Variants in TBC1D22B observed in about 807,000 individuals in gnomAD.
TBC1D22B encodes TBC1 domain family member 22B.
A neutral mutation model predicts 69.1 loss-of-function variants in TBC1D22B; 32 were observed. The ratio of observed to expected loss-of-function variants is 0.46; its 90% CI spans 0.35 to 0.62. The LOEUF (loss-of-function observed/expected upper bound fraction) is 0.62, where lower values mean the gene tolerates loss of function less well. TBC1D22B is among the 20% of genes least tolerant of loss of function. TBC1D22B has a pLI of 0.00. For synonymous variants in TBC1D22B, 206 were observed against 229.8 expected (o/e 0.90, Z 0.94); for missense variants, 462 against 630.9 (o/e 0.73, Z 2.87).
intron 12 of TBC1D22B, among the ~76,000 whole-genome samples, chr6:37,327,527 G>A (rs924821134): frequency 2.0e-5 from 3 of 149,344 alleles, no homozygotes; most frequent in African/African-American, 7.3e-5. Flanking sequence ...TAGAAATGAT[G>A]GTTCTCTTTC....
intron 2 of TBC1D22B, among the ~76,000 whole-genome samples, chr6:37,275,542 C>T (rs1766644134): frequency 6.6e-6 from 1 of 152,134 alleles, no homozygotes; most frequent in Non-Finnish European, 1.5e-5. Context: ...GCCCAGGAGT[C>T]AGGTAGACCT....
intron 1 of TBC1D22B, among the ~76,000 whole-genome samples, chr6:37,259,091 C>T (rs1197328523): frequency 6.6e-6 from 1 of 150,634 alleles, no homozygotes; most frequent in Non-Finnish European, 1.5e-5. Context: ...CTCCTGGCCT[C>T]AAGTGATCCT....
At chr6:37,306,270 C>G (rs1376415137) in intron 8 of TBC1D22B, among the ~76,000 whole-genome samples, 2 of 152,200 alleles carry the variant, frequency 1.3e-5, no homozygotes, top group African/African-American at 4.8e-5. Context: ...CTCTCTGTCC[C>G]TCATCTGACC....
chr6:37,300,456 G>A (rs1767531065), intron 8 of TBC1D22B, among the ~76,000 whole-genome samples: 1 of 152,084 alleles, frequency 6.6e-6, no homozygotes, highest in Non-Finnish European at 1.5e-5. Flanking sequence ...TCATCTCCCA[G>A]GTTCAAGCCA....
At chr6:37,325,068 A>G (rs1312321399) in intron 12 of TBC1D22B, among the ~76,000 whole-genome samples, 3 of 152,068 alleles carry the variant, frequency 2.0e-5, no homozygotes, top group African/African-American at 7.2e-5. Flanking sequence ...TCCCACCTTT[A>G]TTGGACAGTC....
intron 8 of TBC1D22B, among the ~76,000 whole-genome samples, chr6:37,296,793 TACAC>T (rs1256847834): frequency 3.3e-5 from 5 of 151,622 alleles, no homozygotes; most frequent in Non-Finnish European, 4.4e-5. Flanking sequence ...CACACACACA[TACAC>T]ACACGTGCAC....
intron 8 of TBC1D22B, among the ~76,000 whole-genome samples, chr6:37,293,298 C>T (rs1034657479): frequency 4.0e-5 from 6 of 151,852 alleles, no homozygotes; most frequent in African/African-American, 7.3e-5. Context: ...AGGATGGTCT[C>T]GATCTCCTGA....
chr6:37,308,959 A>G (rs1368980017), intron 8 of TBC1D22B, among the ~76,000 whole-genome samples: 2 of 149,182 alleles, frequency 1.3e-5, no homozygotes, highest in Non-Finnish European at 3.0e-5. Context: ...AAAAAAAAAA[A>G]AAGACAGTGC....
At chr6:37,259,185 G>A (rs1404215637) in intron 1 of TBC1D22B, among the ~76,000 whole-genome samples, 2 of 152,050 alleles carry the variant, frequency 1.3e-5, no homozygotes, top group African/African-American at 4.8e-5. Context: ...AAGGATTCTA[G>A]TAGACATATG....
chr6:37,316,254 T>C (rs1185574639), intron 10 of TBC1D22B, among the ~76,000 whole-genome samples: 1 of 152,170 alleles, frequency 6.6e-6, no homozygotes, highest in East Asian at 1.9e-4. Flanking sequence ...GTGAGCCCCT[T>C]TCGCTGGCAG....
rs113497379 is a variant in TBC1D22B, at chr6:37,278,269, A to G, written c.114-1035A>G. Among the ~76,000 whole-genome samples the G allele has an allele frequency of 2.8e-3, 423 of 152,310 alleles. 2 individuals are homozygous for G. Among genetic ancestry groups the G allele is most frequent in the African/African-American group, 9.4e-3 (391 of 41,552 alleles). The stretch of plus-strand genomic sequence containing the variant: ...GGCACCTAGTTAGAAAATGGTCTTA[A>G]AGACAGAGTAGCACCAAACTTCAAC... On this transcript the variant is annotated intron_variant, in intron 2 of 12. Coordinates refer to ENST00000373491, the MANE Select transcript of TBC1D22B (RefSeq NM_017772.4).
At chr6:37,328,010 G>A (rs1390774955) in intron 12 of TBC1D22B, among the ~76,000 whole-genome samples, 2 of 151,944 alleles carry the variant, frequency 1.3e-5, no homozygotes, top group African/African-American at 4.8e-5. Context: ...GAATGTTAAA[G>A]ACCTTTAAAA....
rs67372032 is a variant in TBC1D22B at position 37,330,222 on chromosome 6, C to CTTTTTTTTTTT, written c.1390-797_1390-787dup. On this transcript the variant is annotated intron_variant, in intron 12 of 12. Coordinates refer to ENST00000373491, the MANE Select transcript of TBC1D22B (RefSeq NM_017772.4). ...GATGTTATAAATATTTTGTCCGTTTCTTTTTTTTTTTTTTTTTTTTTTTTT... is the reference window on the plus strand; with the variant it reads ...GATGTTATAAATATTTTGTCCGTTTCTTTTTTTTTTTTTTTTTTTTTTTTTTTTTTTTTTTT... Among the ~76,000 whole-genome samples the CTTTTTTTTTTT allele has an allele frequency of 3.6e-4, 27 of 75,580 alleles. 1 individual carries two copies. The highest frequency in any genetic ancestry group is 4.3e-4 in the Non-Finnish European group (18 of 41,572). 49.6% of individuals were successfully genotyped at this position (75,580 alleles called of 152,430 possible).
intron 8 of TBC1D22B, among the ~76,000 whole-genome samples, chr6:37,311,183 AT>A (rs11311446): frequency 0.85 from 124,721 of 147,242 alleles, 52,695 homozygotes; most frequent in Middle Eastern, 0.93. Context: ...TTCAAGTTGG[AT>A]TTTTTTTTTT....
At position 37,331,190 on chromosome 6, in the gene TBC1D22B, G is replaced by C. The variant is rs750462562; in HGVS notation, c.*18G>C. 43 of 1,613,312 alleles carry C rather than the reference G, an allele frequency of 2.7e-5. No individual in the cohort carries two copies. The highest frequency in any genetic ancestry group is 3.4e-5 in the Non-Finnish European group (40 of 1,179,578). On this transcript the variant is annotated 3_prime_UTR_variant, in exon 13 of 13. Coordinates refer to ENST00000373491, the MANE Select transcript of TBC1D22B (RefSeq NM_017772.4). ...GCCGATAGGTGCTGTCTCCTCCGGG[G>C]ACCCAGACTGCCTTCATCTCTGATG... is the stretch of plus-strand genomic sequence containing the variant.
chr6:37,282,421 G>C, intron 4 of TBC1D22B, 57 bp downstream of exon 4: 1 of 1,508,060 alleles, frequency 6.6e-7, no homozygotes. Context: ...AATTCTCAGA[G>C]ACCTGGAAGC....
intron 8 of TBC1D22B, among the ~76,000 whole-genome samples, chr6:37,303,816 T>C (rs946515130): frequency 1.3e-5 from 2 of 152,040 alleles, no homozygotes; most frequent in South Asian, 2.1e-4. Context: ...TTCCCTGGGG[T>C]CCCCCTGACC....
chr6:37,331,458 G>A lies in TBC1D22B; in HGVS notation c.*286G>A. 1 of 313,366 alleles carries A rather than the reference G, an allele frequency of 3.2e-6. No individual in the cohort carries two copies. The allele number at this position is 313,366 out of a possible 1,614,324, so 19.4% of individuals were successfully genotyped here. A position where few individuals can be genotyped will look rare whatever the true frequency, so the allele number is the denominator to read the frequency against. ...CCTTTAAAAGAAACTGGACAAAGAA[G>A]GGGAAGGCTCAGGGTCTCACCTCAC... On this transcript the variant is annotated 3_prime_UTR_variant, in exon 13 of 13. Transcript: ENST00000373491.
At chr6:37,310,423 C>T (rs988344013) in intron 8 of TBC1D22B, among the ~76,000 whole-genome samples, 1 of 152,098 alleles carries the variant, frequency 6.6e-6, no homozygotes, top group African/African-American at 2.4e-5. Context: ...AATCCTACCA[C>T]TTTGAGAGGC....
Sources: gnomAD v4.1 joint callset for allele counts (sites outside exome capture counted in the v4.1 genomes callset) on GRCh38, gnomAD v4.1.1 for gene constraint, MANE v1.5 for transcripts, NCBI Gene and HGNC (gene_info 2026-07-23, HGNC 2026-07-21) for gene names.